PREX1: variants seen among roughly 807,000 people sequenced by gnomAD.
PREX1 encodes phosphatidylinositol 3,4,5-trisphosphate-dependent Rac exchanger 1 protein.
In PREX1, 41 loss-of-function variants were observed where a neutral mutation model predicts 198.3. The observed-to-expected ratio is 0.21, with a 90% CI of 0.16 to 0.27. The LOEUF (loss-of-function observed/expected upper bound fraction) is 0.27, where lower values mean the gene tolerates loss of function less well. PREX1 is among the 10% of genes least tolerant of loss of function. The pLI, the probability that PREX1 is intolerant of heterozygous loss-of-function variation, is 1.00. For synonymous variants in PREX1, 843 were observed against 887.2 expected (o/e 0.95, Z 0.89); for missense variants, 1,620 against 2,200.7 (o/e 0.74, Z 5.28).
rs1568848709 is a variant in PREX1 at position 48,747,001 on chromosome 20, CA to C, written c.291+807del. Among the ~76,000 whole-genome samples, 86 of 108,888 alleles carry C rather than the reference CA, an allele frequency of 7.9e-4. 2 individuals carry two copies. The East Asian group carries it at 0.01, about 13-fold the overall frequency. The allele number at this position is 108,888 out of a possible 152,430, so 71.4% of individuals were successfully genotyped here. ...ACACACACACACACACACACACACA[CA>C]CACACACACCCCACCCCCAGGAGGA... On this transcript the variant is annotated intron_variant, in intron 2 of 39. Transcript: ENST00000371941.
At position 48,676,224 on chromosome 20, in the gene PREX1, C is replaced by T; in HGVS notation, c.1634G>A (p.Gly545Glu). 1 of 1,614,082 alleles carries T rather than the reference C, an allele frequency of 6.2e-7. No homozygotes were observed. Among genetic ancestry groups the T allele is most frequent in the Non-Finnish European group, 8.5e-7 (1 of 1,179,980 alleles). ...HLKTYKSVLPGSKLVDWLLAQ... is the reference protein window; with the variant it reads ...HLKTYKSVLPESKLVDWLLAQ... ...CAGCAGCCAGTCCACCAGCTTGCTCCCGGGAAGCACTGACTTGTAGGTCTT... is the reference window on the plus strand; with the variant it reads ...CAGCAGCCAGTCCACCAGCTTGCTCTCGGGAAGCACTGACTTGTAGGTCTT... The change falls in exon 14 of 40, where the codon GGG (glycine) becomes GAG (glutamate). Residue 545 changes from glycine to glutamate, a missense_variant. This residue lies in a region of PREX1 where 488 missense variants were observed against 802.5 expected (regional missense o/e 0.61). Coordinates refer to ENST00000371941, the MANE Select transcript of PREX1 (RefSeq NM_020820.4).
At chr20:48,777,228 A>G (rs149318299) in intron 1 of PREX1, among the ~76,000 whole-genome samples, 59 of 152,256 alleles carry the variant, frequency 3.9e-4, no homozygotes, top group African/African-American at 1.2e-3. Context: ...CGAGGCACAA[A>G]CACCAGACCA....
intron 29 of PREX1, among the ~76,000 whole-genome samples, chr20:48,640,591 T>G (rs2089401470): frequency 6.6e-6 from 1 of 152,150 alleles, no homozygotes; most frequent in Non-Finnish European, 1.5e-5. Flanking sequence ...CCTCTCTTGG[T>G]GGCAACTGCC....
chr20:48,815,666 C>A (rs886207643), intron 1 of PREX1, among the ~76,000 whole-genome samples: 8 of 152,170 alleles, frequency 5.3e-5, no homozygotes, highest in Non-Finnish European at 8.8e-5. Flanking sequence ...GGGGTAGATG[C>A]TCTGGTTTCA....
intron 1 of PREX1, among the ~76,000 whole-genome samples, chr20:48,791,574 A>G (rs1283474715): frequency 4.6e-5 from 7 of 152,224 alleles, no homozygotes; most frequent in African/African-American, 2.4e-5. Flanking sequence ...GGGGTCCTCA[A>G]CAAGCCCACC....
At chr20:48,872,836 G>A in the PREX1 span, among the ~76,000 whole-genome samples, 1 of 152,202 alleles carries the variant, frequency 6.6e-6, no homozygotes, top group African/African-American at 2.4e-5. Flanking sequence ...CAGAGCCCCG[G>A]AAGTATTTCC....
In PREX1 at chr20:48,691,148, C is replaced by G. The variant is rs954537006; in HGVS notation, c.1037-52G>C. On this transcript the variant is annotated intron_variant, in intron 8 of 39. Coordinates refer to ENST00000371941, the MANE Select transcript of PREX1 (RefSeq NM_020820.4). The surrounding 1 kb of genome is among the most constrained non-coding windows in gnomAD (Gnocchi z 5.0). Reference sequence around the variant, plus strand: ...AGCAGAGACTCAGCCGCGTGACCTTCAACACTCCCCATTGCCAAGCCCTTC... The same window carrying G: ...AGCAGAGACTCAGCCGCGTGACCTTGAACACTCCCCATTGCCAAGCCCTTC... 4 of 1,611,010 alleles carry G rather than the reference C, an allele frequency of 2.5e-6. No individual in the cohort carries two copies. Among genetic ancestry groups the G allele is most frequent in the Non-Finnish European group, 2.5e-6 (3 of 1,177,816 alleles).
At chr20:48,862,807 A>ATATATATATATATATATATATGTGTGTG in the PREX1 span, among the ~76,000 whole-genome samples, 26 of 126,658 alleles carry the variant, frequency 2.1e-4, no homozygotes, top group African/African-American at 4.2e-4. Context: ...ATATATATAT[A>ATATATATATATATATATATATGTGTGTG]TATATACTAA....
At position 48,728,175 on chromosome 20, in the gene PREX1, G is replaced by A. The variant is rs374454705; in HGVS notation, c.520-1784C>T. Among the ~76,000 whole-genome samples, 17 of 152,332 alleles carry A rather than the reference G, an allele frequency of 1.1e-4. 1 individual carries two copies. The East Asian group carries it at 2.9e-3, about 26-fold the overall frequency. ...ATACACATTGTGTGCTGTGTGCTGTGTGCTGTGCACAGTTCCAAGCACTGG... is the reference window on the plus strand; with the variant it reads ...ATACACATTGTGTGCTGTGTGCTGTATGCTGTGCACAGTTCCAAGCACTGG... On this transcript the variant is annotated intron_variant, in intron 4 of 39. Transcript: ENST00000371941.
At chr20:48,757,016 GC>G (rs1383953220) in intron 1 of PREX1, among the ~76,000 whole-genome samples, 1 of 151,982 alleles carries the variant, frequency 6.6e-6, no homozygotes, top group Non-Finnish European at 1.5e-5. Flanking sequence ...GGAAAGACCC[GC>G]CCCCATGATT....
At chr20:48,859,588 T>C in the PREX1 span, among the ~76,000 whole-genome samples, 1 of 152,170 alleles carries the variant, frequency 6.6e-6, no homozygotes, top group African/African-American at 2.4e-5. Context: ...AATTTGAACC[T>C]GTATGCATTA....
chr20:48,631,000 T>A lies in PREX1; in HGVS notation c.4527-206A>T, dbSNP rs558841634. Among the ~76,000 whole-genome samples, 319 of 152,064 alleles carry A rather than the reference T, an allele frequency of 2.1e-3. 2 individuals carry two copies. The highest frequency in any genetic ancestry group is 7.4e-3 in the African/African-American group (305 of 41,446). ...GGGGAAAGAGGGGCCTCCTGAGCAC[T>A]CCTCCAATGCCACCCCTCCCTGCCT... On this transcript the variant is annotated intron_variant, in intron 35 of 39. Transcript: ENST00000371941.
At chr20:48,789,885 A>G (rs2090330355) in intron 1 of PREX1, among the ~76,000 whole-genome samples, 1 of 152,028 alleles carries the variant, frequency 6.6e-6, no homozygotes, top group Non-Finnish European at 1.5e-5. Flanking sequence ...GGGGAGATGG[A>G]TGGGTGATGG....
At chr20:48,884,216 C>T in the PREX1 span, among the ~76,000 whole-genome samples, 1 of 151,112 alleles carries the variant, frequency 6.6e-6, no homozygotes, top group Non-Finnish European at 1.5e-5. Flanking sequence ...ATATAAGCAA[C>T]CCAGAACAGC....
chr20:48,658,093 G>A, intron 17 of PREX1, 43 bp downstream of exon 17: 1 of 1,573,732 alleles, frequency 6.4e-7, no homozygotes, highest in South Asian at 1.1e-5. Flanking sequence ...ACCCCGCTCT[G>A]CCACCTGCAC....
intron 13 of PREX1, among the ~76,000 whole-genome samples, chr20:48,678,386 G>T (rs1259449499): frequency 1.3e-5 from 2 of 151,960 alleles, no homozygotes. Flanking sequence ...TGGGAGGACT[G>T]CCTGAGCCTG....
upstream of PREX1, among the ~76,000 whole-genome samples, chr20:48,830,642 A>C (rs966862749): frequency 1.3e-5 from 2 of 152,208 alleles, no homozygotes; most frequent in Non-Finnish European, 2.9e-5. Context: ...TGTTTTATAC[A>C]TCGTTACTTC....
At chr20:48,631,386 C>G (rs533771456) in intron 35 of PREX1, among the ~76,000 whole-genome samples, 9 of 152,304 alleles carry the variant, frequency 5.9e-5, no homozygotes, top group Non-Finnish European at 1.0e-4. Flanking sequence ...AATATATGCT[C>G]CATGAAGAAC....
chr20:48,753,699 C>T lies in PREX1; in HGVS notation c.220-5819G>A, dbSNP rs146854793. Among the ~76,000 whole-genome samples the T allele has an allele frequency of 2.6e-3, 399 of 152,322 alleles. 2 individuals are homozygous for T. The highest frequency in any genetic ancestry group is 8.2e-3 in the African/African-American group (342 of 41,564). ...GGCTCAGCTGCAGGTACACTGGTCT[C>T]CTTTTTGTTTCTTGAACACACCAGG... On this transcript the variant is annotated intron_variant, in intron 1 of 39. Coordinates refer to ENST00000371941, the MANE Select transcript of PREX1 (RefSeq NM_020820.4).
Sources: gnomAD v4.1 joint callset for allele counts (sites outside exome capture counted in the v4.1 genomes callset) on GRCh38, gnomAD v4.1.1 for gene constraint, gnomAD v4.1.1 regional missense constraint, Gnocchi (gnomAD v3.1) non-coding constraint, MANE v1.5 for transcripts, NCBI Gene and HGNC (gene_info 2026-07-23, HGNC 2026-07-21) for gene names.